Variants in SALL4 observed in about 807,000 individuals in gnomAD.
SALL4 encodes sal-like protein 4.
SALL4 carries 4 observed loss-of-function variants against 60.8 expected under a neutral mutation model. The ratio of observed to expected loss-of-function variants is 0.07; its 90% CI spans 0.03 to 0.15. The LOEUF (loss-of-function observed/expected upper bound fraction) is 0.15, where lower values mean the gene tolerates loss of function less well. Among genes scored for constraint, SALL4 ranks in the 10% least tolerant of loss-of-function variants. The pLI is 1.00. For missense variants in SALL4, 1,178 were observed against 1,394.7 expected, an observed-to-expected ratio of 0.84 and a Z score of 2.48; for synonymous variants, 580 against 574.9, an observed-to-expected ratio of 1.01 and a Z score of -0.13.
At position 51,801,724 on chromosome 20, in the gene SALL4, G is replaced by C. The variant is rs1343579272; in HGVS notation, c.130+555C>G. On this transcript the variant is annotated intron_variant, in intron 1 of 3. Transcript: ENST00000217086. This position sits in a 1 kb window ranked among gnomAD's most constrained non-coding sequence, Gnocchi z 5.2. ...CCGCACCCCAGCTCCTGAGGGTGGGGAGAGGTCGCGCCCCCTCCCCCCACT... is the reference window on the plus strand; with the variant it reads ...CCGCACCCCAGCTCCTGAGGGTGGGCAGAGGTCGCGCCCCCTCCCCCCACT... The C allele has an allele frequency of 6.5e-6, 1 of 152,780 alleles. No homozygotes were observed. Among genetic ancestry groups the C allele is most frequent in the Non-Finnish European group, 1.5e-5 (1 of 68,542 alleles). The allele number at this position is 152,780 out of a possible 1,614,324, so 9.5% of individuals were successfully genotyped here. A position where few individuals can be genotyped will look rare whatever the true frequency, so the allele number is the denominator to read the frequency against.
In SALL4 at chr20:51,783,724, G is replaced by GAA. The variant is rs34105550; in HGVS notation, c.*539_*540dup. ...CAAGACCCGCTTCTTTCCAAAATTA[G>GAA]AAAAAAAAAAAAAAAGTGCCAGGCG... On this transcript the variant is annotated 3_prime_UTR_variant, in exon 4 of 4. Coordinates refer to ENST00000217086, the MANE Select transcript of SALL4 (RefSeq NM_020436.5). The GAA allele has an allele frequency of 0.016, 2,247 of 137,212 alleles. 72 individuals carry two copies. The highest frequency in any genetic ancestry group is 0.054 in the African/African-American group (2,026 of 37,208). The allele number at this position is 137,212 out of a possible 1,614,324, so 8.5% of individuals were successfully genotyped here.
Position 51,784,159 on chromosome 20 carries a change from C to T in SALL4, c.*106G>A. 1 of 1,311,278 alleles carries T rather than the reference C, an allele frequency of 7.6e-7. No individual in the cohort carries two copies. The highest frequency in any genetic ancestry group is 1.7e-5 in the Admixed American group (1 of 57,894). The allele number at this position is 1,311,278 out of a possible 1,614,324, so 81.2% of individuals were successfully genotyped here. A position where few individuals can be genotyped will look rare whatever the true frequency, so the allele number is the denominator to read the frequency against. The stretch of plus-strand genomic sequence containing the variant: ...CAACCAACGTAGTAAACATCATTTG[C>T]ATATCAGTAAGAAAAAGAAAACAGG... On this transcript the variant is annotated 3_prime_UTR_variant, in exon 4 of 4. Coordinates refer to ENST00000217086, the MANE Select transcript of SALL4 (RefSeq NM_020436.5).
chr20:51,802,448 G>A lies in SALL4; in HGVS notation c.-40C>T, dbSNP rs1419517191. The A allele has an allele frequency of 1.2e-6, 2 of 1,611,936 alleles. No homozygotes were observed. The highest frequency in any genetic ancestry group is 1.7e-6 in the Non-Finnish European group (2 of 1,179,646). ...GGCGCCGGGAGAGCCGCAGTTATTT[G>A]CCCTCTCCGCCACAAATTCCTGGAG... On this transcript the variant is annotated 5_prime_UTR_variant, in exon 1 of 4. Transcript: ENST00000217086.
Position 51,792,313 on chromosome 20 carries a change from C to G in SALL4, c.170G>C (p.Ser57Thr). 3 of 1,607,102 alleles carry G rather than the reference C, an allele frequency of 1.9e-6. No individual in the cohort carries two copies. The highest frequency in any genetic ancestry group is 2.5e-6 in the Non-Finnish European group (3 of 1,179,988). The change falls in exon 2 of 4, where the codon AGT (serine) becomes ACT (threonine). Residue 57 changes from serine (S) to threonine (T), a missense_variant. Ser to Thr is a moderately conservative substitution (Grantham distance 58). This residue lies in a region of SALL4 where 108 missense variants were observed against 95.7 expected (regional missense o/e 1.13). Coordinates refer to ENST00000217086, the MANE Select transcript of SALL4 (RefSeq NM_020436.5). ...VNHPGNDEVA[S>T]EDEATVKRLR... ...CCGCTTTACTGTGGCTTCATCCTCA[C>G]TCGCCACCTCGTCATTCCCTGGGTG...
intron 1 of SALL4, among the ~76,000 whole-genome samples, chr20:51,796,196 C>CA (rs11474910): frequency 0.27 from 24,825 of 90,282 alleles, 3,471 homozygotes; most frequent in East Asian, 0.43. Context: ...AAGACTGTCT[C>CA]AAAAAAAAAA....
intron 1 of SALL4, among the ~76,000 whole-genome samples, chr20:51,795,880 C>T (rs569084597): frequency 1.3e-5 from 2 of 152,094 alleles, no homozygotes; most frequent in Admixed American, 6.5e-5. Flanking sequence ...AAAAGGCGAA[C>T]GCTTTATAGC....
chr20:51,790,249 C>A lies in SALL4; in HGVS notation c.2234G>T (p.Arg745Leu). 1.2e-6 allele frequency: 2 copies of A among 1,614,106 alleles called. No homozygotes were observed. The highest frequency in any genetic ancestry group is 1.7e-6 in the Non-Finnish European group (2 of 1,180,032). The change falls in exon 2 of 4, where the codon CGC (arginine) becomes CTC (leucine). Residue 745 changes from arginine (R) to leucine (L), a missense_variant. Physicochemically the swap from Arg to Leu is moderately radical, Grantham distance 102. Around this residue, in one of 5 missense-constraint regions of SALL4, gnomAD observed 853 missense variants for 1,036.8 expected, o/e 0.82. Transcript: ENST00000217086. This position sits in a 1 kb window ranked among gnomAD's most constrained non-coding sequence, Gnocchi z 5.5. ...GGAACCGTTTTCTCTGCTGCCCTGG[C>A]GCTGCAGGTTAAAAGGGGCAGGACC... is the stretch of plus-strand genomic sequence containing the variant. ...KVGPAPFNLQRQGSRENGSVE... is the reference protein window; with the variant it reads ...KVGPAPFNLQLQGSRENGSVE...
Position 51,790,923 on chromosome 20 carries a change from T to C in SALL4, c.1560A>G (p.Thr520=). The C allele has an allele frequency of 6.2e-7, 1 of 1,613,780 alleles. No individual in the cohort carries two copies. Residue 520 remains threonine (T), a synonymous_variant, in exon 2 of 4, where the codon ACA becomes ACG. Coordinates refer to ENST00000217086, the MANE Select transcript of SALL4 (RefSeq NM_020436.5). The surrounding 1 kb of genome is among the most constrained non-coding windows in gnomAD (Gnocchi z 5.5). ...TATAGTTTGGTCCCACCCCAGGGAGTGTGGGTCCACCCTCACTTTCTGGAG... is the reference window on the plus strand; with the variant it reads ...TATAGTTTGGTCCCACCCCAGGGAGCGTGGGTCCACCCTCACTTTCTGGAG... ...GPSPESEGGP[T]LPGVGPNYNS...
rs1165046488 is a variant in SALL4 at position 51,784,293 on chromosome 20, A to G, written c.3134T>C (p.Leu1045Pro). 1.9e-6 allele frequency: 3 copies of G among 1,614,142 alleles called. No individual in the cohort carries two copies. The highest frequency in any genetic ancestry group is 2.2e-5 in the South Asian group (2 of 91,082). Residue 1045 changes from leucine (L) to proline (P), a missense_variant, in exon 4 of 4, where the codon CTG (leucine) becomes CCG (proline). Leu to Pro is a moderately conservative substitution (Grantham distance 98, BLOSUM62 -3). Coordinates refer to ENST00000217086, the MANE Select transcript of SALL4 (RefSeq NM_020436.5). ...GVPKHQFPHF[L>P]EENKIAVS Reference sequence around the variant, plus strand: ...GCTGACCGCAATCTTGTTTTCTTCCAGGAAGTGAGGAAACTGGTGTTTGGG... The same window carrying G: ...GCTGACCGCAATCTTGTTTTCTTCCGGGAAGTGAGGAAACTGGTGTTTGGG...
At position 51,782,479 on chromosome 20, in the gene SALL4, T is replaced by G. The variant is rs1487060067; in HGVS notation, c.*1786A>C. On this transcript the variant is annotated 3_prime_UTR_variant, in exon 4 of 4. Coordinates refer to ENST00000217086, the MANE Select transcript of SALL4 (RefSeq NM_020436.5). Reference sequence around the variant, plus strand: ...CACTGGTGTGTTTTCTGTAACAATATCCACTTCACAGTGTAAACAGGTACT... The same window carrying G: ...CACTGGTGTGTTTTCTGTAACAATAGCCACTTCACAGTGTAAACAGGTACT... 1 of 137,702 alleles carries G rather than the reference T, an allele frequency of 7.3e-6. No homozygotes were observed. Among genetic ancestry groups the G allele is most frequent in the Non-Finnish European group, 1.5e-5 (1 of 66,666 alleles). The allele number at this position is 137,702 out of a possible 1,614,324, so 8.5% of individuals were successfully genotyped here.
rs1284434165 is a variant in SALL4, at chr20:51,790,067, C to A, written c.2416G>T (p.Gly806Trp). 2 of 1,614,204 alleles carry A rather than the reference C, an allele frequency of 1.2e-6. No individual in the cohort carries two copies. Among genetic ancestry groups the A allele is most frequent in the Non-Finnish European group, 1.7e-6 (2 of 1,180,038 alleles). ...TTCTCGGAGCTCTCTGCTTTGCTCC[C>A]AGCATCGGGAGACTTTGACTTGATG... is the stretch of plus-strand genomic sequence containing the variant. Reference protein sequence around the residue: ...ESIKSKSPDAGSKAESSENSR... With the variant: ...ESIKSKSPDAWSKAESSENSR... The change falls in exon 2 of 4, where the codon GGG (glycine) becomes TGG (tryptophan). Residue 806 changes from glycine to tryptophan, a missense_variant. Gly to Trp is a radical substitution (Grantham distance 184). Transcript: ENST00000217086. This position sits in a 1 kb window ranked among gnomAD's most constrained non-coding sequence, Gnocchi z 5.5.
rs780685952 is a variant in SALL4 at position 51,790,034 on chromosome 20, T to C, written c.2449A>G (p.Thr817Ala). 1.4e-5 allele frequency: 22 copies of C among 1,614,056 alleles called. No individual in the cohort carries two copies. In the East Asian group the frequency reaches 4.2e-4, roughly 31 times the overall value. ...SKAESSENSRTEMEGRSSLPS... is the reference protein window; with the variant it reads ...SKAESSENSRAEMEGRSSLPS... ...AAAGCTCTATCACCTTCCATCTCAG[T>C]GCGGCTGTTCTCGGAGCTCTCTGCT... is the stretch of plus-strand genomic sequence containing the variant. The change falls in exon 2 of 4, where the codon ACT (threonine) becomes GCT (alanine). Residue 817 changes from threonine to alanine, a missense_variant. Transcript: ENST00000217086. This position sits in a 1 kb window ranked among gnomAD's most constrained non-coding sequence, Gnocchi z 5.5.
chr20:51,784,324 C>T lies in SALL4; in HGVS notation c.3103G>A (p.Gly1035Ser), dbSNP rs76648342. ...ADVEKPSATD[G>S]VPKHQFPHFL... ...TGAGGAAACTGGTGTTTGGGAACGC[C>T]GTCAGTAGCACTTGGTTTTTCCACA... The change falls in exon 4 of 4, where the codon GGC (glycine) becomes AGC (serine). Residue 1035 changes from glycine (G) to serine (S), a missense_variant. Around this residue, in one of 5 missense-constraint regions of SALL4, gnomAD observed 174 missense variants for 169.6 expected, o/e 1.03. Coordinates refer to ENST00000217086, the MANE Select transcript of SALL4 (RefSeq NM_020436.5). 760 of 1,614,032 alleles carry T rather than the reference C, an allele frequency of 4.7e-4. 2 individuals carry two copies. Among genetic ancestry groups the T allele is most frequent in the Non-Finnish European group, 6.2e-4 (726 of 1,180,042 alleles).
intron 3 of SALL4, 64 bp from the exon 4 acceptor site, chr20:51,784,748 G>T (rs1190225322): frequency 1.9e-5 from 30 of 1,560,278 alleles, no homozygotes; most frequent in Admixed American, 1.0e-4. Flanking sequence ...GGCAAGCCAA[G>T]AATCAATCTG....
At chr20:51,789,991 T>G in intron 2 of SALL4, 31 bp downstream of exon 2, 1 of 1,613,994 alleles carries the variant, frequency 6.2e-7, no homozygotes, top group East Asian at 2.2e-5. Context: ...GAGCCCAAAA[T>G]GGACATAAGT....
rs1039252223 is a variant in SALL4, at chr20:51,800,324, G to A, written c.130+1955C>T. Among the ~76,000 whole-genome samples the A allele has an allele frequency of 3.3e-5, 5 of 152,322 alleles. No individual in the cohort carries two copies. In the East Asian group the frequency reaches 7.7e-4, roughly 24 times the overall value. ...CCAGCAAAGGGCTAGGCTTCAAGCT[G>A]GGCCTCCAGGGGGCGCCCGCGCGCA... is the stretch of plus-strand genomic sequence containing the variant. On this transcript the variant is annotated intron_variant, in intron 1 of 3. Coordinates refer to ENST00000217086, the MANE Select transcript of SALL4 (RefSeq NM_020436.5).
chr20:51,784,544 T>C lies in SALL4; in HGVS notation c.2883A>G (p.Ser961=), dbSNP rs2077978000. ...TCCACACAACAGGGTCCACATTCAC[T>C]GAAGGGGCCAGGATTTCCTTGGGAA... The part of the protein sequence containing the change: ...EIFPKEILAP[S]VNVDPVVWNQ... The change falls in exon 4 of 4, where the codon TCA becomes TCG. Residue 961 remains serine (S), a synonymous_variant. Transcript: ENST00000217086. 3.7e-6 allele frequency: 6 copies of C among 1,614,018 alleles called. No homozygotes were observed. The highest frequency in any genetic ancestry group is 5.1e-6 in the Non-Finnish European group (6 of 1,180,034).
intron 1 of SALL4, among the ~76,000 whole-genome samples, chr20:51,796,031 C>T (rs2078077163): frequency 6.6e-6 from 1 of 151,762 alleles, no homozygotes; most frequent in Non-Finnish European, 1.5e-5. Context: ...TCTGTCTCTA[C>T]TAAAAATAGA....
At position 51,790,203 on chromosome 20, in the gene SALL4, G is replaced by T. The variant is rs751123397; in HGVS notation, c.2280C>A (p.Thr760=). The change falls in exon 2 of 4, where the codon ACC becomes ACA. Residue 760 remains threonine, a synonymous_variant. Coordinates refer to ENST00000217086, the MANE Select transcript of SALL4 (RefSeq NM_020436.5). The surrounding 1 kb of genome is among the most constrained non-coding windows in gnomAD (Gnocchi z 5.5). The part of the protein sequence containing the change: ...ENGSVESDGL[T]NDSSSLMGDQ... ...CTCCCATCAGCGAGGATGAGTCGTT[G>T]GTCAAGCCATCGCTCTCCACGGAAC... 1.9e-6 allele frequency: 3 copies of T among 1,614,084 alleles called. No homozygotes were observed. Among genetic ancestry groups the T allele is most frequent in the Non-Finnish European group, 1.7e-6 (2 of 1,180,024 alleles).
Sources: allele counts gnomAD v4.1 joint callset (sites outside exome capture counted in the v4.1 genomes callset), GRCh38; gene constraint gnomAD v4.1.1; regional missense constraint gnomAD v4.1.1; non-coding constraint Gnocchi (gnomAD v3.1); transcripts MANE v1.5; gene names NCBI Gene and HGNC (gene_info 2026-07-23, HGNC 2026-07-21).